Variants in CYTH1 observed in about 807,000 individuals in gnomAD.
The protein encoded by CYTH1 is cytohesin-1.
CYTH1 carries 18 observed loss-of-function variants against 61.8 expected under a neutral mutation model. The observed-to-expected ratio is 0.29, with a 90% CI of 0.20 to 0.43. The LOEUF (loss-of-function observed/expected upper bound fraction) is 0.43, where lower values mean the gene tolerates loss of function less well. Among genes scored for constraint, CYTH1 ranks in the 20% least tolerant of loss-of-function variants. The pLI is 1.00. For missense variants in CYTH1, 336 were observed against 510.5 expected (o/e 0.66, Z 3.29); for synonymous variants, 174 against 184.3 (o/e 0.94, Z 0.45).
At chr17:78,681,478 C>T (rs1276474079) in intron 11 of CYTH1, among the ~76,000 whole-genome samples, 1 of 152,112 alleles carries the variant, frequency 6.6e-6, no homozygotes, top group Non-Finnish European at 1.5e-5. Context: ...GACCATTAAC[C>T]ACTCACTGCC....
chr17:78,692,584 G>T, intron 10 of CYTH1, 91 bp from the exon 11 acceptor site: 1 of 1,258,998 alleles, frequency 7.9e-7, no homozygotes, highest in South Asian at 1.2e-5. Context: ...TTCTCAGAGA[G>T]GGTTGGGGGA....
chr17:78,702,664 C>G (rs2093024416), intron 3 of CYTH1, 60 bp from the exon 4 acceptor site: 1 of 1,526,382 alleles, frequency 6.6e-7, no homozygotes, highest in South Asian at 1.1e-5. Context: ...GCTTGAAAGA[C>G]TAATATGATT....
At chr17:78,692,879 G>A (rs760417343) in intron 10 of CYTH1, among the ~76,000 whole-genome samples, 2 of 152,150 alleles carry the variant, frequency 1.3e-5, no homozygotes, top group African/African-American at 2.4e-5. Flanking sequence ...AGCACCTAGT[G>A]CAGGCTACTC....
intron 1 of CYTH1, among the ~76,000 whole-genome samples, chr17:78,711,013 A>G (rs1774887726): frequency 6.6e-6 from 1 of 152,156 alleles, no homozygotes; most frequent in Non-Finnish European, 1.5e-5. Context: ...CTGTAATCCC[A>G]GCACTTTGAG....
At chr17:78,759,021 T>C (rs946777978) in intron 1 of CYTH1, among the ~76,000 whole-genome samples, 1 of 151,752 alleles carries the variant, frequency 6.6e-6, no homozygotes, top group East Asian at 1.9e-4. Flanking sequence ...GAGGATTGCT[T>C]AAGCATAGGA....
intron 1 of CYTH1, among the ~76,000 whole-genome samples, chr17:78,733,069 T>C: frequency 1.1e-5 from 1 of 90,174 alleles, no homozygotes; most frequent in African/African-American, 4.6e-5. Context: ...AGAGTGAGAC[T>C]CCATCTCAAA....
intron 13 of CYTH1, chr17:78,676,655 G>A (rs2092702708): frequency 1.7e-5 from 5 of 289,864 alleles, no homozygotes; most frequent in Non-Finnish European, 3.4e-5. Context: ...AGTAACTAAG[G>A]CTCCATGACT....
chr17:78,702,671 G>A, intron 3 of CYTH1, 67 bp from the exon 4 acceptor site: 2 of 1,457,410 alleles, frequency 1.4e-6, no homozygotes, highest in Non-Finnish European at 1.9e-6. Context: ...AGACTAATAT[G>A]ATTTCCACTG....
intron 13 of CYTH1, chr17:78,676,964 C>T (rs932564931): frequency 6.6e-6 from 3 of 455,108 alleles, no homozygotes; most frequent in African/African-American, 2.0e-5. Flanking sequence ...AGCTCGGGCA[C>T]AAGCCTCCTG....
At chr17:78,758,160 ATTCT>A (rs1177221640) in intron 1 of CYTH1, among the ~76,000 whole-genome samples, 1 of 152,200 alleles carries the variant, frequency 6.6e-6, no homozygotes, top group East Asian at 1.9e-4. Context: ...ATGTTACAGG[ATTCT>A]TTCTTACAGG....
chr17:78,740,182 C>CCA (rs1002177599), intron 1 of CYTH1, among the ~76,000 whole-genome samples: 4 of 152,166 alleles, frequency 2.6e-5, no homozygotes, highest in Non-Finnish European at 4.4e-5. Context: ...ATGATCCACC[C>CCA]ACCTTGGCCT....
chr17:78,782,090 C>A, intron 1 of CYTH1, 112 bp downstream of exon 1: 1 of 990,554 alleles, frequency 1.0e-6, no homozygotes, highest in Non-Finnish European at 1.3e-6. Flanking sequence ...CTCCGCGTCC[C>A]GCACCAGTGT....
At chr17:78,699,006 G>A (rs200403806) in intron 7 of CYTH1, 38 bp from the exon 8 acceptor site, 189 of 1,598,924 alleles carry the variant, frequency 1.2e-4, no homozygotes, top group Non-Finnish European at 1.5e-4. Flanking sequence ...GCCGTTGCAT[G>A]CTCAGATGTT....
intron 12 of CYTH1, 63 bp downstream of exon 12, chr17:78,680,908 A>T (rs2092754439): frequency 2.6e-6 from 4 of 1,557,832 alleles, no homozygotes; most frequent in South Asian, 1.2e-5. Context: ...GAGTTTTTTA[A>T]AAAAAATCTT....
chr17:78,774,056 TTTG>T lies in CYTH1; in HGVS notation c.22+8143_22+8145del, dbSNP rs573836801. Reference sequence around the variant, plus strand: ...CCACCAAATTCAGTTTGTTTGCTTGTTTGTTTTAAAAAAAAACTTTTAAAATGT... The same window carrying T: ...CCACCAAATTCAGTTTGTTTGCTTGTTTTTAAAAAAAAACTTTTAAAATGT... On this transcript the variant is annotated intron_variant, in intron 1 of 13. Transcript: ENST00000446868. Among the ~76,000 whole-genome samples the T allele has an allele frequency of 3.3e-4, 50 of 150,742 alleles. No individual in the cohort carries two copies. In the South Asian group the frequency reaches 0.01, roughly 31 times the overall value.
intron 1 of CYTH1, among the ~76,000 whole-genome samples, chr17:78,715,925 A>T (rs2093177187): frequency 6.6e-6 from 1 of 152,212 alleles, no homozygotes; most frequent in African/African-American, 2.4e-5. Flanking sequence ...TGAGGGAAGC[A>T]AAGTGGAGAG....
chr17:78,723,372 T>C (rs1246280733), intron 1 of CYTH1: 1 of 152,412 alleles, frequency 6.6e-6, no homozygotes, highest in Non-Finnish European at 1.5e-5. Context: ...CAGCTGTAGG[T>C]GCAGGGAGAG....
intron 4 of CYTH1, 36 bp downstream of exon 4, chr17:78,702,502 C>G (rs1229040010): frequency 5.6e-6 from 9 of 1,607,908 alleles, no homozygotes; most frequent in Non-Finnish European, 7.7e-6. Context: ...AAAACCCCAT[C>G]TAATATGGAC....
intron 1 of CYTH1, among the ~76,000 whole-genome samples, chr17:78,770,367 AAC>A (rs2093466255): frequency 6.6e-6 from 1 of 151,220 alleles, no homozygotes; most frequent in South Asian, 2.1e-4. Flanking sequence ...AAAAAAAAAA[AAC>A]AAAGAAATCT....
Sources: allele counts gnomAD v4.1 joint callset (sites outside exome capture counted in the v4.1 genomes callset), GRCh38; gene constraint gnomAD v4.1.1; transcripts MANE v1.5; gene names NCBI Gene and HGNC (gene_info 2026-07-23, HGNC 2026-07-21).